Variants in AUTS2 observed in about 807,000 individuals in gnomAD.
AUTS2 encodes autism susceptibility gene 2 protein.
AUTS2 carries 17 observed loss-of-function variants against 112.4 expected under a neutral mutation model. The ratio of observed to expected loss-of-function variants is 0.15; its 90% CI spans 0.10 to 0.23. The LOEUF is 0.23. Ranked by LOEUF, AUTS2 falls within the 10% of genes least tolerant of loss-of-function variation. The probability of loss-of-function intolerance (pLI) is 1.00; values close to 1 mark genes in which losing one functional copy is unlikely to be tolerated. For missense variants in AUTS2, 1,510 were observed against 1,701.6 expected (o/e 0.89, Z 1.98); for synonymous variants, 751 against 702.7 (o/e 1.07, Z -1.09).
rs563670120 is a variant in AUTS2, at chr7:70,499,652, A to G, written c.690+63871A>G. 7.2e-5 allele frequency among the ~76,000 whole-genome samples: 11 copies of G among 152,374 alleles called. No homozygotes were observed. In the South Asian group the frequency reaches 8.3e-4, roughly 11 times the overall value. ...CAGTCATCGATGGGAATGTGTTAGT[A>G]TTCTTTGGACAGGAGAAATAAATGT... On this transcript the variant is annotated intron_variant, in intron 5 of 18. Coordinates refer to ENST00000342771, the MANE Select transcript of AUTS2 (RefSeq NM_015570.4).
chr7:70,167,611 G>GT (rs564762314), intron 4 of AUTS2, among the ~76,000 whole-genome samples: 4 of 152,006 alleles, frequency 2.6e-5, no homozygotes, highest in Non-Finnish European at 5.9e-5. Context: ...GCAAAATACA[G>GT]TTTTTTGTCC....
chr7:70,458,293 A>G (rs1304661752), intron 5 of AUTS2, among the ~76,000 whole-genome samples: 2 of 152,232 alleles, frequency 1.3e-5, no homozygotes, highest in African/African-American at 4.8e-5. Context: ...TCAGGATGTC[A>G]GAAGAAATGA....
At chr7:70,147,712 T>C (rs1424275800) in intron 4 of AUTS2, among the ~76,000 whole-genome samples, 6 of 152,158 alleles carry the variant, frequency 3.9e-5, no homozygotes, top group Non-Finnish European at 8.8e-5. Context: ...CTTTGCTTTC[T>C]CTGATGTTTT....
At chr7:70,124,799 G>A (rs186967910) in intron 3 of AUTS2, among the ~76,000 whole-genome samples, 1 of 152,246 alleles carries the variant, frequency 6.6e-6, no homozygotes, top group East Asian at 1.9e-4. Flanking sequence ...CTGACCTCGT[G>A]ATCCGCCCGC....
rs542870493 is a variant in AUTS2 at position 70,790,168 on chromosome 7, G to A, written c.2952G>A (p.Glu984=). The change falls in exon 19 of 19, where the codon GAG becomes GAA. Residue 984 remains glutamate (E), a synonymous_variant. Transcript: ENST00000342771. The surrounding 1 kb of genome is among the most constrained non-coding windows in gnomAD (Gnocchi z 7.6). ...PKKSSEVKVK[E]ERKEDHDLPP... is the part of the protein sequence containing the mutation. Reference sequence around the variant, plus strand: ...AGAGCTCCGAGGTCAAGGTGAAGGAGGAGCGGAAGGAAGACCATGACCTGC... The same window carrying A: ...AGAGCTCCGAGGTCAAGGTGAAGGAAGAGCGGAAGGAAGACCATGACCTGC... 277 of 1,612,172 alleles carry A rather than the reference G, an allele frequency of 1.7e-4. 3 individuals are homozygous for A. In the South Asian group the frequency reaches 2.8e-3, roughly 16 times the overall value.
intron 4 of AUTS2, among the ~76,000 whole-genome samples, chr7:70,260,447 A>G (rs998902910): frequency 6.6e-6 from 1 of 151,838 alleles, no homozygotes. Context: ...AGTCTAAGGT[A>G]GAGGGGCTGG....
chr7:70,134,904 T>A (rs1192326583), intron 4 of AUTS2, among the ~76,000 whole-genome samples: 1 of 152,098 alleles, frequency 6.6e-6, no homozygotes, highest in East Asian at 1.9e-4. Context: ...AAGTGTCATG[T>A]GGGGGATGGA....
chr7:69,937,976 G>A (rs1177030259), intron 2 of AUTS2, among the ~76,000 whole-genome samples: 1 of 152,186 alleles, frequency 6.6e-6, no homozygotes, highest in Non-Finnish European at 1.5e-5. Flanking sequence ...ATGATGAGAG[G>A]TTTTGGGTGG....
chr7:69,714,825 A>G (rs1393794796), intron 1 of AUTS2, among the ~76,000 whole-genome samples: 2 of 152,128 alleles, frequency 1.3e-5, no homozygotes, highest in Admixed American at 6.5e-5. Flanking sequence ...TGAGTCTTCT[A>G]ATTCACAGTC....
chr7:70,465,679 C>A (rs911584267), intron 5 of AUTS2, among the ~76,000 whole-genome samples: 1 of 152,146 alleles, frequency 6.6e-6, no homozygotes. Context: ...ATCAGGATTA[C>A]CACAAAGACT....
At chr7:70,746,020 GA>G (rs1450566481) in intron 6 of AUTS2, among the ~76,000 whole-genome samples, 1 of 152,158 alleles carries the variant, frequency 6.6e-6, no homozygotes, top group Non-Finnish European at 1.5e-5. Context: ...AGAAATCAAC[GA>G]TTTATCAAGT....
chr7:70,424,835 C>T (rs1795367073), intron 4 of AUTS2, among the ~76,000 whole-genome samples: 1 of 152,178 alleles, frequency 6.6e-6, no homozygotes, highest in Admixed American at 6.5e-5. Context: ...GATCATCCCG[C>T]CTCAGTCTTC....
chr7:70,527,505 T>A (rs1799888904), intron 5 of AUTS2, among the ~76,000 whole-genome samples: 1 of 152,144 alleles, frequency 6.6e-6, no homozygotes, highest in Admixed American at 6.5e-5. Context: ...TTCCTTTGCA[T>A]CTTTCTCTAC....
At chr7:69,751,628 GTTT>G (rs1352931824) in intron 1 of AUTS2, among the ~76,000 whole-genome samples, 14 of 152,134 alleles carry the variant, frequency 9.2e-5, no homozygotes, top group Non-Finnish European at 2.9e-5. Flanking sequence ...CTGTGGGATT[GTTT>G]CTCAGCATAT....
At chr7:70,666,797 A>C (rs1027862564) in intron 5 of AUTS2, among the ~76,000 whole-genome samples, 2 of 151,896 alleles carry the variant, frequency 1.3e-5, no homozygotes, top group Non-Finnish European at 2.9e-5. Flanking sequence ...TTTCTGCTAT[A>C]GTCTTTTTGA....
At chr7:70,469,994 G>A (rs548599767) in intron 5 of AUTS2, among the ~76,000 whole-genome samples, 1 of 152,292 alleles carries the variant, frequency 6.6e-6, no homozygotes, top group South Asian at 2.1e-4. Context: ...AGTGTGATGG[G>A]CTGGCTCTTC....
At chr7:69,619,816 G>A (rs1793572937) in intron 1 of AUTS2, among the ~76,000 whole-genome samples, 1 of 152,186 alleles carries the variant, frequency 6.6e-6, no homozygotes, top group Non-Finnish European at 1.5e-5. Context: ...TGGGGATGTG[G>A]GGGAGAGGTG....
chr7:70,016,690 C>T (rs1409666227), intron 2 of AUTS2, among the ~76,000 whole-genome samples: 3 of 140,600 alleles, frequency 2.1e-5, no homozygotes, highest in East Asian at 2.0e-4. Context: ...TTTTTTGAAA[C>T]GGAGTCTTAC....
At chr7:69,605,521 CTT>C (rs1792672064) in intron 1 of AUTS2, among the ~76,000 whole-genome samples, 1 of 152,336 alleles carries the variant, frequency 6.6e-6, no homozygotes, top group African/African-American at 2.4e-5. Context: ...GTTTTATCCT[CTT>C]TGTCCCTTCT....
Sources: gnomAD v4.1 joint callset for allele counts (sites outside exome capture counted in the v4.1 genomes callset) on GRCh38, gnomAD v4.1.1 for gene constraint, Gnocchi (gnomAD v3.1) non-coding constraint, MANE v1.5 for transcripts, NCBI Gene and HGNC (gene_info 2026-07-23, HGNC 2026-07-21) for gene names.